SLCO2B1: variants seen among roughly 807,000 people sequenced by gnomAD.
SLCO2B1 encodes OATP-RP2.
Under a neutral mutation model 67.3 loss-of-function variants are expected in SLCO2B1, and 41 were observed. The observed-to-expected ratio is 0.61, with a 90% confidence interval of 0.47 to 0.79. The LOEUF is 0.79. SLCO2B1 is among the 30% of genes least tolerant of loss of function. SLCO2B1 has a pLI of 0.00. For synonymous variants in SLCO2B1, 379 were observed against 381.4 expected (o/e 0.99, Z 0.07); for missense variants, 837 against 920.1 (o/e 0.91, Z 1.17).
intron 3 of SLCO2B1, among the ~76,000 whole-genome samples, chr11:75,164,710 G>A (rs185639308): frequency 3.9e-5 from 6 of 152,206 alleles, no homozygotes; most frequent in Admixed American, 2.6e-4. Context: ...CTGTCCCCAG[G>A]GCAGAGTCCC....
chr11:75,162,611 C>A, intron 1 of SLCO2B1, 44 bp from the exon 2 acceptor site: 1 of 1,590,116 alleles, frequency 6.3e-7, no homozygotes, highest in South Asian at 1.2e-5. Flanking sequence ...GGGCCATTCT[C>A]GGGGATTCTA....
intron 8 of SLCO2B1, among the ~76,000 whole-genome samples, chr11:75,192,948 GCC>G (rs1945045565): frequency 6.6e-6 from 1 of 152,128 alleles, no homozygotes; most frequent in African/African-American, 2.4e-5. Context: ...GGAGGCTGAG[GCC>G]GAGAATCACT....
intron 1 of SLCO2B1, among the ~76,000 whole-genome samples, chr11:75,154,335 A>G (rs1169536481): frequency 6.6e-6 from 1 of 151,872 alleles, no homozygotes; most frequent in African/African-American, 2.4e-5. Context: ...CTCTACTAAA[A>G]AAAAAATACA....
chr11:75,203,695 C>A, intron 13 of SLCO2B1: 1 of 415,892 alleles, frequency 2.4e-6, no homozygotes, highest in Non-Finnish European at 4.4e-6. Context: ...AGAGTCTATG[C>A]AGGAACTTGG....
At chr11:75,183,819 G>T (rs562261947) in intron 7 of SLCO2B1, among the ~76,000 whole-genome samples, 1 of 152,194 alleles carries the variant, frequency 6.6e-6, no homozygotes, top group Non-Finnish European at 1.5e-5. Flanking sequence ...CTCAGTCAAG[G>T]CATGAGTTTT....
At chr11:75,155,652 T>C (rs1266492489) in intron 1 of SLCO2B1, among the ~76,000 whole-genome samples, 2 of 152,158 alleles carry the variant, frequency 1.3e-5, no homozygotes, top group Admixed American at 1.3e-4. Flanking sequence ...GAGACAGAGT[T>C]TCACCATGTT....
intron 7 of SLCO2B1, among the ~76,000 whole-genome samples, chr11:75,186,550 G>T (rs558392558): frequency 6.6e-6 from 1 of 151,202 alleles, no homozygotes; most frequent in Non-Finnish European, 1.5e-5. Context: ...ACAAGGTTTC[G>T]CCATGTTGCC....
intron 9 of SLCO2B1, 24 bp from the exon 10 acceptor site, chr11:75,196,490 C>T (rs768438893): frequency 6.2e-7 from 1 of 1,607,370 alleles, no homozygotes; most frequent in Non-Finnish European, 8.5e-7. Context: ...CCAGGCCAAC[C>T]CTACTGGTCT....
intron 7 of SLCO2B1, among the ~76,000 whole-genome samples, chr11:75,176,872 T>A (rs568144684): frequency 3.9e-5 from 6 of 152,120 alleles, no homozygotes; most frequent in Non-Finnish European, 8.8e-5. Flanking sequence ...CCCTGCTGCA[T>A]CTCACTGACG....
intron 4 of SLCO2B1, among the ~76,000 whole-genome samples, chr11:75,168,205 T>A (rs1342031474): frequency 6.6e-6 from 1 of 152,208 alleles, no homozygotes; most frequent in Non-Finnish European, 1.5e-5. Flanking sequence ...ATTTTGTTCT[T>A]TCTTTCATTT....
intron 6 of SLCO2B1, among the ~76,000 whole-genome samples, 167 bp from the exon 7 acceptor site, chr11:75,172,212 A>G (rs187556936): frequency 1.3e-5 from 2 of 152,288 alleles, no homozygotes; most frequent in East Asian, 3.9e-4. Flanking sequence ...AGGGCCAAGG[A>G]CTTGCCCAGG....
At position 75,203,414 on chromosome 11, in the gene SLCO2B1, C is replaced by G. The variant is rs1945217282; in HGVS notation, c.1936C>G (p.Leu646Val). 6.2e-7 allele frequency: 1 copy of G among 1,614,040 alleles called. No homozygotes were observed. The highest frequency in any genetic ancestry group is 1.3e-5 in the African/African-American group (1 of 74,928). Residue 646 changes from leucine (L) to valine (V), a missense_variant, in exon 13 of 14, where the codon CTG becomes GTG. Physicochemically the swap from Leu to Val is conservative, Grantham distance 32 (BLOSUM62 1). Coordinates refer to ENST00000289575, the MANE Select transcript of SLCO2B1 (RefSeq NM_007256.5). ...RAVCRYYNND[L>V]LRNRFIGLQF... ...TGTCTGTCGCTACTACAATAATGAC[C>G]TGCTCCGAAACCGGTGAGACCTGGT...
intron 7 of SLCO2B1, among the ~76,000 whole-genome samples, chr11:75,174,920 G>A (rs79884140): frequency 0.011 from 1,685 of 152,296 alleles, 38 homozygotes; most frequent in African/African-American, 0.038. Context: ...CCCATTCTGT[G>A]CTGCTGTGTA....
intron 8 of SLCO2B1, among the ~76,000 whole-genome samples, chr11:75,189,975 A>AG (rs1385030978): frequency 6.6e-6 from 1 of 151,620 alleles, no homozygotes; most frequent in East Asian, 1.9e-4. Flanking sequence ...AAAAAAAAAA[A>AG]AAAAGACTTG....
chr11:75,184,174 C>T (rs1163705599), intron 7 of SLCO2B1, among the ~76,000 whole-genome samples: 1 of 152,170 alleles, frequency 6.6e-6, no homozygotes, highest in Non-Finnish European at 1.5e-5. Context: ...GCTATACCCA[C>T]TTCTGGTTAG....
In SLCO2B1 at chr11:75,193,198, C is replaced by G; in HGVS notation, c.1076-20C>G. 1 of 1,583,244 alleles carries G rather than the reference C, an allele frequency of 6.3e-7. No individual in the cohort carries two copies. The highest frequency in any genetic ancestry group is 8.6e-7 in the Non-Finnish European group (1 of 1,161,924). ...GCTTGGCTGCCCTGCCTGCCCTGAC[C>G]TCTGCACTCGCCCCCACAGTCTTCC... On this transcript the variant is annotated intron_variant, in intron 8 of 13. Coordinates refer to ENST00000289575, the MANE Select transcript of SLCO2B1 (RefSeq NM_007256.5). The surrounding 1 kb of genome is among the most constrained non-coding windows in gnomAD (Gnocchi z 4.2).
At chr11:75,183,463 G>A (rs1565543428) in intron 7 of SLCO2B1, among the ~76,000 whole-genome samples, 1 of 152,184 alleles carries the variant, frequency 6.6e-6, no homozygotes, top group African/African-American at 2.4e-5. Flanking sequence ...ACACCACAAA[G>A]ATGCCTCCTA....
chr11:75,204,232 C>G, intron 13 of SLCO2B1, 168 bp from the exon 14 acceptor site: 1 of 637,020 alleles, frequency 1.6e-6, no homozygotes, highest in Admixed American at 3.1e-5. Flanking sequence ...TGCTCCCACC[C>G]AGGGCTCCTC....
At chr11:75,175,552 C>T (rs981805789) in intron 7 of SLCO2B1, among the ~76,000 whole-genome samples, 4 of 151,960 alleles carry the variant, frequency 2.6e-5, no homozygotes, top group African/African-American at 4.8e-5. Context: ...TAAAGGTATC[C>T]GGGAGATTGG....
Sources: gnomAD v4.1 joint callset for allele counts (sites outside exome capture counted in the v4.1 genomes callset) on GRCh38, gnomAD v4.1.1 for gene constraint, Gnocchi (gnomAD v3.1) non-coding constraint, MANE v1.5 for transcripts, NCBI Gene and HGNC (gene_info 2026-07-23, HGNC 2026-07-21) for gene names.